The following TBC1D12 variants were observed in gnomAD, a reference collection of about 807,000 sequenced individuals.
The protein encoded by TBC1D12 is TBC1 domain family member 12, also known as TBC1 domain family, member 12.
A neutral mutation model predicts 86.7 loss-of-function variants in TBC1D12; 56 were observed. That is an observed-to-expected ratio of 0.65 (90% CI 0.52 to 0.81). The LOEUF (loss-of-function observed/expected upper bound fraction) is 0.81, where lower values mean the gene tolerates loss of function less well. Ranked by LOEUF, TBC1D12 falls within the 30% of genes least tolerant of loss-of-function variation. TBC1D12 has a pLI of 0.00. For missense variants in TBC1D12, 1,023 were observed against 1,038.8 expected, an observed-to-expected ratio of 0.98 and a Z score of 0.21; for synonymous variants, 421 against 411.7, an observed-to-expected ratio of 1.02 and a Z score of -0.27.
intron 6 of TBC1D12, 22 bp from the exon 7 acceptor site, chr10:94,507,245 T>C: frequency 6.3e-7 from 1 of 1,598,944 alleles, no homozygotes; most frequent in Non-Finnish European, 8.5e-7. Context: ...TCATACATTT[T>C]TGTTCTCCCC....
chr10:94,421,877 G>A lies in TBC1D12; in HGVS notation c.971+18293G>A, dbSNP rs1275096296. Among the ~76,000 whole-genome samples the A allele has an allele frequency of 2.6e-5, 4 of 152,272 alleles. No homozygotes were observed. In the South Asian group the frequency reaches 8.3e-4, roughly 32 times the overall value. On this transcript the variant is annotated intron_variant, in intron 1 of 12. Transcript: ENST00000225235. ...CTTTGCCTAATATTAATTGGGCTGTGTGTGTTTTTGTTGTTAAATTATTTG... is the reference window on the plus strand; with the variant it reads ...CTTTGCCTAATATTAATTGGGCTGTATGTGTTTTTGTTGTTAAATTATTTG...
intron 2 of TBC1D12, among the ~76,000 whole-genome samples, chr10:94,454,502 C>T (rs1317091268): frequency 3.3e-5 from 5 of 152,210 alleles, no homozygotes; most frequent in African/African-American, 4.8e-5. Context: ...TGAGCCACTG[C>T]GCCCGGCGAG....
At chr10:94,471,235 C>T (rs1250195451) in intron 2 of TBC1D12, among the ~76,000 whole-genome samples, 2 of 149,372 alleles carry the variant, frequency 1.3e-5, no homozygotes, top group Non-Finnish European at 3.0e-5. Context: ...GAGATTGTGC[C>T]ACTGCACTCC....
chr10:94,464,502 A>G (rs890036393), intron 2 of TBC1D12, among the ~76,000 whole-genome samples: 5 of 152,078 alleles, frequency 3.3e-5, no homozygotes, highest in East Asian at 1.9e-4. Flanking sequence ...GTCTGGCTCT[A>G]TTGCCCAGGC....
intron 2 of TBC1D12, among the ~76,000 whole-genome samples, chr10:94,459,022 A>G (rs187809066): frequency 6.6e-6 from 1 of 152,150 alleles, no homozygotes; most frequent in Non-Finnish European, 1.5e-5. Context: ...GCCTGCTTTT[A>G]TTTCTTTATC....
Position 94,420,443 on chromosome 10 carries a change from A to G in TBC1D12, c.971+16859A>G, listed in dbSNP as rs115211274. ...ATTAGTGACATTCAGTACATTCACC[A>G]TGTTGTACAGCTAGCACCACTATCT... On this transcript the variant is annotated intron_variant, in intron 1 of 12. Coordinates refer to ENST00000225235, the MANE Select transcript of TBC1D12 (RefSeq NM_015188.2). Among the ~76,000 whole-genome samples the G allele has an allele frequency of 4.5e-3, 682 of 152,342 alleles. 6 individuals carry two copies. Among genetic ancestry groups the G allele is most frequent in the African/African-American group, 0.015 (634 of 41,574 alleles).
At chr10:94,436,683 C>T (rs1442698681) in intron 1 of TBC1D12, among the ~76,000 whole-genome samples, 1 of 151,734 alleles carries the variant, frequency 6.6e-6, no homozygotes, top group Non-Finnish European at 1.5e-5. Flanking sequence ...TAGATTTCTT[C>T]TCACATACCT....
At chr10:94,415,559 C>A (rs1272304039) in intron 1 of TBC1D12, among the ~76,000 whole-genome samples, 1 of 152,124 alleles carries the variant, frequency 6.6e-6, no homozygotes, top group Non-Finnish European at 1.5e-5. Context: ...CGGTGAAACC[C>A]CGTCTCTAGT....
intron 1 of TBC1D12, among the ~76,000 whole-genome samples, chr10:94,431,145 C>T (rs1387266494): frequency 2.0e-5 from 3 of 151,826 alleles, no homozygotes; most frequent in South Asian, 2.1e-4. Context: ...CTGGGTGTGG[C>T]GGCTCACTCC....
intron 11 of TBC1D12, among the ~76,000 whole-genome samples, chr10:94,528,154 A>T (rs1842344071): frequency 6.6e-6 from 1 of 152,092 alleles, no homozygotes; most frequent in Non-Finnish European, 1.5e-5. Context: ...TGGAATCTAT[A>T]GATTATATTG....
rs1256905098 is a variant in TBC1D12, at chr10:94,535,237, A to T, written c.*2141A>T. On this transcript the variant is annotated 3_prime_UTR_variant, in exon 13 of 13. Transcript: ENST00000225235. The stretch of plus-strand genomic sequence containing the variant: ...TATATCTGATTGACAGAGATCTCTG[A>T]TCTCTAATGACATATTGCTATTGTC... 6.6e-6 allele frequency: 1 copy of T among 152,136 alleles called. No homozygotes were observed. Among genetic ancestry groups the T allele is most frequent in the East Asian group, 1.9e-4 (1 of 5,196 alleles). The allele number at this position is 152,136 out of a possible 1,614,324, so 9.4% of individuals were successfully genotyped here.
chr10:94,517,298 A>G (rs1842023902), intron 9 of TBC1D12, among the ~76,000 whole-genome samples: 1 of 152,130 alleles, frequency 6.6e-6, no homozygotes, highest in African/African-American at 2.4e-5. Context: ...GAATTGCTTG[A>G]ATCCAGGAGG....
At chr10:94,450,722 T>C (rs1299729401) in intron 2 of TBC1D12, among the ~76,000 whole-genome samples, 1 of 152,106 alleles carries the variant, frequency 6.6e-6, no homozygotes, top group East Asian at 1.9e-4. Context: ...CCATGTTTAT[T>C]GCAGAACTAT....
At chr10:94,516,338 T>C (rs188139327) in intron 9 of TBC1D12, among the ~76,000 whole-genome samples, 96 of 152,308 alleles carry the variant, frequency 6.3e-4, no homozygotes, top group African/African-American at 2.2e-3. Flanking sequence ...AACAAATCTA[T>C]TAGAGAAACT....
chr10:94,506,624 G>A (rs1443139895), intron 6 of TBC1D12, among the ~76,000 whole-genome samples: 1 of 152,148 alleles, frequency 6.6e-6, no homozygotes, highest in Non-Finnish European at 1.5e-5. Context: ...CCCTGCATAT[G>A]GGAGTGCCGT....
At chr10:94,495,843 C>A (rs1453229344) in intron 4 of TBC1D12, among the ~76,000 whole-genome samples, 1 of 152,080 alleles carries the variant, frequency 6.6e-6, no homozygotes, top group Non-Finnish European at 1.5e-5. Flanking sequence ...GTAGCTCACG[C>A]CTATAACCCC....
At chr10:94,409,441 G>A (rs2054901139) in intron 1 of TBC1D12, among the ~76,000 whole-genome samples, 1 of 145,848 alleles carries the variant, frequency 6.9e-6, no homozygotes, top group Non-Finnish European at 1.5e-5. Flanking sequence ...GCGGTGGCAC[G>A]GCTCACTGCA....
rs1444018155 is a variant in TBC1D12 at position 94,460,209 on chromosome 10, C to T, written c.1096-14459C>T. On this transcript the variant is annotated intron_variant, in intron 2 of 12. Coordinates refer to ENST00000225235, the MANE Select transcript of TBC1D12 (RefSeq NM_015188.2). Reference sequence around the variant, plus strand: ...ATCATGAGATCACGCCACTGCACTCCAGCGTGGGTGACAGAACAAGATTCC... The same window carrying T: ...ATCATGAGATCACGCCACTGCACTCTAGCGTGGGTGACAGAACAAGATTCC... Among the ~76,000 whole-genome samples, 3 of 152,098 alleles carry T rather than the reference C, an allele frequency of 2.0e-5. No individual in the cohort carries two copies. In the East Asian group the frequency reaches 5.8e-4, roughly 29 times the overall value.
intron 3 of TBC1D12, among the ~76,000 whole-genome samples, chr10:94,483,742 G>T (rs1370096871): frequency 8.7e-5 from 13 of 149,792 alleles, no homozygotes; most frequent in African/African-American, 1.7e-4. Flanking sequence ...GTTTTTTTTT[G>T]TTTGTTTGTT....
Sources: allele counts gnomAD v4.1 joint callset (sites outside exome capture counted in the v4.1 genomes callset), GRCh38; gene constraint gnomAD v4.1.1; transcripts MANE v1.5; gene names NCBI Gene and HGNC (gene_info 2026-07-23, HGNC 2026-07-21).